SLC7A5: variants seen among roughly 807,000 people sequenced by gnomAD.
The protein encoded by SLC7A5 is solute carrier family 7 member 5.
In SLC7A5, 23 loss-of-function variants were observed where a neutral mutation model predicts 50.2. The observed-to-expected ratio is 0.46, with a 90% CI of 0.33 to 0.65. The LOEUF (loss-of-function observed/expected upper bound fraction) is 0.65, where lower values mean the gene tolerates loss of function less well. Among genes scored for constraint, SLC7A5 ranks in the 30% least tolerant of loss-of-function variants. The pLI, the probability that SLC7A5 is intolerant of heterozygous loss-of-function variation, is 0.02. For missense variants in SLC7A5, 578 were observed against 684.4 expected (o/e 0.84, Z 1.73); for synonymous variants, 393 against 330.6 (o/e 1.19, Z -2.05).
intron 1 of SLC7A5, among the ~76,000 whole-genome samples, chr16:87,863,986 A>AATATATATATATATATATAT (rs58063420): frequency 0.097 from 8,046 of 82,828 alleles, 1,052 homozygotes; most frequent in Non-Finnish European, 0.14. Flanking sequence ...ATCATTTAAA[A>AATATATATATATATATATAT]ATATATATAT....
chr16:87,863,934 C>T (rs2055428006), intron 1 of SLC7A5, among the ~76,000 whole-genome samples: 2 of 144,988 alleles, frequency 1.4e-5, no homozygotes, highest in Admixed American at 7.1e-5. Flanking sequence ...GGTGCCCTTT[C>T]CCTTCCTAAG....
chr16:87,857,907 G>T lies in SLC7A5; in HGVS notation c.539-6058C>A, dbSNP rs552436050. On this transcript the variant is annotated intron_variant, in intron 1 of 9. Coordinates refer to ENST00000261622, the MANE Select transcript of SLC7A5 (RefSeq NM_003486.7). ...AGGTGTCAGCTGCTGTCCAGAATGG[G>T]GCTGACACATTCATTTTAAACAGGC... 2.5e-4 allele frequency among the ~76,000 whole-genome samples: 38 copies of T among 152,266 alleles called. No individual in the cohort carries two copies. In the East Asian group the frequency reaches 6.0e-3, roughly 24 times the overall value.
At position 87,869,277 on chromosome 16, in the gene SLC7A5, T is replaced by G; in HGVS notation, c.146A>C (p.Asn49Thr). 6.2e-7 allele frequency: 1 copy of G among 1,612,264 alleles called. No homozygotes were observed. Among genetic ancestry groups the G allele is most frequent in the Non-Finnish European group, 8.5e-7 (1 of 1,179,814 alleles). The change falls in exon 1 of 10, where the codon AAC becomes ACC. Residue 49 changes from asparagine (N) to threonine (T), a missense_variant. Coordinates refer to ENST00000261622, the MANE Select transcript of SLC7A5 (RefSeq NM_003486.7). ...GEGEGVTLQR[N>T]ITLLNGVAII... ...GGCCACGCCGTTGAGCAGCGTGATGTTCCGCTGCAGGGTCACGCCCTCGCC... is the reference window on the plus strand; with the variant it reads ...GGCCACGCCGTTGAGCAGCGTGATGGTCCGCTGCAGGGTCACGCCCTCGCC...
chr16:87,855,585 G>A (rs868564379), intron 1 of SLC7A5, among the ~76,000 whole-genome samples: 2 of 152,068 alleles, frequency 1.3e-5, no homozygotes, highest in South Asian at 2.1e-4. Flanking sequence ...GCCCGTGAAC[G>A]CTCACCTCTG....
intron 1 of SLC7A5, among the ~76,000 whole-genome samples, chr16:87,863,986 A>AATATATATATATATAT (rs58063420): frequency 0.11 from 8,787 of 83,042 alleles, 1,034 homozygotes; most frequent in South Asian, 0.16. Flanking sequence ...ATCATTTAAA[A>AATATATATATATATAT]ATATATATAT....
At chr16:87,866,612 T>A (rs1350261750) in intron 1 of SLC7A5, among the ~76,000 whole-genome samples, 2 of 152,026 alleles carry the variant, frequency 1.3e-5, no homozygotes, top group African/African-American at 4.8e-5. Flanking sequence ...ATTACAGGCA[T>A]CTGCCACCAC....
In SLC7A5 at chr16:87,834,592, C is replaced by T. The variant is rs1470122401; in HGVS notation, c.1291-1G>A. On this transcript the variant is annotated splice_acceptor_variant, in intron 8 of 9. Coordinates refer to ENST00000261622, the MANE Select transcript of SLC7A5 (RefSeq NM_003486.7). LOFTEE classifies it high-confidence loss of function. The stretch of plus-strand genomic sequence containing the variant: ...AGAACACAGGCAGGGCCAGGTTCAC[C>T]TGGGGCAGAGGACAGGGCCTGGGTG... 1 of 1,584,382 alleles carries T rather than the reference C, an allele frequency of 6.3e-7. No homozygotes were observed. Among genetic ancestry groups the T allele is most frequent in the Non-Finnish European group, 8.6e-7 (1 of 1,166,922 alleles).
intron 1 of SLC7A5, among the ~76,000 whole-genome samples, chr16:87,868,502 C>G (rs1263252810): frequency 1.3e-5 from 2 of 152,134 alleles, no homozygotes; most frequent in South Asian, 2.1e-4. Context: ...AGTCAGCAAT[C>G]GGAGCTCTAA....
intron 1 of SLC7A5, among the ~76,000 whole-genome samples, chr16:87,859,300 G>C (rs1218787052): frequency 1.3e-5 from 2 of 152,200 alleles, no homozygotes; most frequent in Non-Finnish European, 2.9e-5. Flanking sequence ...CACGGTAGCA[G>C]GTGAAGACAG....
At position 87,853,748 on chromosome 16, in the gene SLC7A5, C is replaced by T. The variant is rs2055270347; in HGVS notation, c.539-1899G>A. ...TTCGCAAGAGGCCGGCTGATTGCATCACTCGCTCATTCATGCCCGGAGGGA... is the reference window on the plus strand; with the variant it reads ...TTCGCAAGAGGCCGGCTGATTGCATTACTCGCTCATTCATGCCCGGAGGGA... On this transcript the variant is annotated intron_variant, in intron 1 of 9. Coordinates refer to ENST00000261622, the MANE Select transcript of SLC7A5 (RefSeq NM_003486.7). This position sits in a 1 kb window ranked among gnomAD's most constrained non-coding sequence, Gnocchi z 4.4. 4 of 152,242 alleles carry T rather than the reference C, an allele frequency of 2.6e-5. No individual in the cohort carries two copies. Among genetic ancestry groups the T allele is most frequent in the Admixed American group, 2.6e-4 (4 of 15,288 alleles). The allele number at this position is 152,242 out of a possible 1,614,324, so 9.4% of individuals were successfully genotyped here. A position where few individuals can be genotyped will look rare whatever the true frequency, so the allele number is the denominator to read the frequency against.
intron 1 of SLC7A5, among the ~76,000 whole-genome samples, chr16:87,856,535 G>C (rs1332917017): frequency 6.6e-6 from 1 of 152,230 alleles, no homozygotes; most frequent in Admixed American, 6.5e-5. Context: ...GTCCCGCCCA[G>C]TGCAGCCTGT....
At chr16:87,868,115 CAAAAAAAAAA>C (rs11372656) in intron 1 of SLC7A5, among the ~76,000 whole-genome samples, 9 of 80,368 alleles carry the variant, frequency 1.1e-4, no homozygotes, top group African/African-American at 4.0e-4. Flanking sequence ...GACTCAGTGT[CAAAAAAAAAA>C]AAAAAAAAGA....
At chr16:87,865,811 C>T (rs2055453603) in intron 1 of SLC7A5, among the ~76,000 whole-genome samples, 1 of 152,116 alleles carries the variant, frequency 6.6e-6, no homozygotes, top group Non-Finnish European at 1.5e-5. Flanking sequence ...TTGGAAGGCA[C>T]ATTAGCTATT....
intron 1 of SLC7A5, among the ~76,000 whole-genome samples, chr16:87,855,806 C>T (rs4240804): frequency 0.4 from 61,416 of 151,902 alleles, 13,389 homozygotes; most frequent in East Asian, 0.79. Context: ...GTGGGGACCC[C>T]GCAGGCCCCA....
In SLC7A5 at chr16:87,832,530, G is replaced by C. The variant is rs1060254; in HGVS notation, c.*440C>G. On this transcript the variant is annotated 3_prime_UTR_variant, in exon 10 of 10. Transcript: ENST00000261622. The surrounding 1 kb of genome is among the most constrained non-coding windows in gnomAD (Gnocchi z 4.6). ...AGCTGTCCGGCTTCAGTGCAAGTCT[G>C]TGGTAGCAATGAGGTTCCAAGTCTC... 3 of 153,946 alleles carry C rather than the reference G, an allele frequency of 1.9e-5. No individual in the cohort carries two copies. The highest frequency in any genetic ancestry group is 7.2e-5 in the African/African-American group (3 of 41,432). 9.5% of individuals were successfully genotyped at this position (153,946 alleles called of 1,614,324 possible).
intron 9 of SLC7A5, 35 bp downstream of exon 9, chr16:87,834,379 G>C (rs375612139): frequency 6.5e-7 from 1 of 1,548,374 alleles, no homozygotes; most frequent in Non-Finnish European, 8.7e-7. Flanking sequence ...CCAGGGCAGA[G>C]GGTACCACGG....
chr16:87,855,925 C>G (rs1438980899), intron 1 of SLC7A5, among the ~76,000 whole-genome samples: 2 of 152,220 alleles, frequency 1.3e-5, no homozygotes, highest in African/African-American at 2.4e-5. Flanking sequence ...TGAAAATCCT[C>G]TCTGTTGGCC....
Position 87,832,937 on chromosome 16 carries a change from G to T in SLC7A5, c.*33C>A. On this transcript the variant is annotated 3_prime_UTR_variant, in exon 10 of 10. Transcript: ENST00000261622. This position sits in a 1 kb window ranked among gnomAD's most constrained non-coding sequence, Gnocchi z 4.6. ...GTGATCTACTTTAACTGGCCTCTGC[G>T]CATGCTCCTCCGGCAGCCACTCGGC... is the stretch of plus-strand genomic sequence containing the variant. 2 of 1,586,892 alleles carry T rather than the reference G, an allele frequency of 1.3e-6. No homozygotes were observed. Among genetic ancestry groups the T allele is most frequent in the Middle Eastern group, 1.7e-4 (1 of 6,006 alleles).
chr16:87,864,849 G>A (rs944361669), intron 1 of SLC7A5, among the ~76,000 whole-genome samples: 4 of 152,276 alleles, frequency 2.6e-5, no homozygotes, highest in African/African-American at 7.2e-5. Flanking sequence ...AAACACCCAC[G>A]GTCTTAAGAT....
Sources: gnomAD v4.1 joint callset for allele counts (sites outside exome capture counted in the v4.1 genomes callset) on GRCh38, gnomAD v4.1.1 for gene constraint, Gnocchi (gnomAD v3.1) non-coding constraint, MANE v1.5 for transcripts, NCBI Gene and HGNC (gene_info 2026-07-23, HGNC 2026-07-21) for gene names.